Variants in DLGAP2 observed in about 807,000 individuals in gnomAD.
DLGAP2 encodes disks large-associated protein 2.
DLGAP2 carries 26 observed loss-of-function variants against 100.3 expected under a neutral mutation model. The ratio of observed to expected loss-of-function variants is 0.26; its 90% CI spans 0.19 to 0.36. The LOEUF is 0.36. DLGAP2 is among the 10% of genes least tolerant of loss of function. The pLI is 1.00. For missense variants in DLGAP2, 1,858 were observed against 1,453.2 expected (o/e 1.28, Z -4.53); for synonymous variants, 886 against 630.1 (o/e 1.41, Z -6.08).
intron 2 of DLGAP2, among the ~76,000 whole-genome samples, chr8:1,196,826 A>G (rs1797762100): frequency 1.3e-5 from 2 of 152,120 alleles, no homozygotes; most frequent in Non-Finnish European, 2.9e-5. Context: ...CTCATCACAC[A>G]TACACCAGGG....
intron 4 of DLGAP2, among the ~76,000 whole-genome samples, chr8:1,529,194 C>T (rs925630879): frequency 1.3e-5 from 2 of 152,198 alleles, no homozygotes; most frequent in Non-Finnish European, 2.9e-5. Context: ...ACCTACTTCA[C>T]AAGGTAGCAG....
At chr8:1,617,737 T>C (rs1318535644) in intron 6 of DLGAP2, among the ~76,000 whole-genome samples, 1 of 152,220 alleles carries the variant, frequency 6.6e-6, no homozygotes, top group Non-Finnish European at 1.5e-5. Context: ...TTATCTACCA[T>C]AATGGACAGC....
intron 3 of DLGAP2, among the ~76,000 whole-genome samples, chr8:1,311,586 G>A (rs1800615450): frequency 6.6e-6 from 1 of 152,106 alleles, no homozygotes; most frequent in Admixed American, 6.5e-5. Flanking sequence ...TTGTCATCAG[G>A]TGGGATTTAT....
intron 1 of DLGAP2, among the ~76,000 whole-genome samples, chr8:787,404 C>G (rs969306897): frequency 6.6e-6 from 1 of 152,174 alleles, no homozygotes; most frequent in Non-Finnish European, 1.5e-5. Context: ...GAAGGGTGGC[C>G]TCTAAAAAAT....
chr8:808,905 CT>C (rs539422380), intron 1 of DLGAP2, among the ~76,000 whole-genome samples: 35,545 of 130,054 alleles, frequency 0.27, 4,448 homozygotes, highest in Admixed American at 0.42. Flanking sequence ...CTGTTGCTGC[CT>C]TTTTTTTTTT....
At chr8:1,156,289 A>G (rs1796785618) in intron 2 of DLGAP2, among the ~76,000 whole-genome samples, 2 of 152,094 alleles carry the variant, frequency 1.3e-5, no homozygotes, top group South Asian at 4.1e-4. Context: ...TGCTTACCCA[A>G]GGAGAGCCAA....
rs543700651 is a variant in DLGAP2, at chr8:800,422, C to T, written c.18+62597C>T. ...ATGAGTTTAGACGGTTGTACACAACCATGTAACCAACACCAGGGGCCCAGC... is the reference window on the plus strand; with the variant it reads ...ATGAGTTTAGACGGTTGTACACAACTATGTAACCAACACCAGGGGCCCAGC... On this transcript the variant is annotated intron_variant, in intron 1 of 14. Coordinates refer to ENST00000637795, the MANE Select transcript of DLGAP2 (RefSeq NM_001346810.2). Among the ~76,000 whole-genome samples the T allele has an allele frequency of 2.8e-4, 43 of 152,314 alleles. 1 individual carries two copies. The South Asian group carries it at 3.7e-3, about 13-fold the overall frequency.
At chr8:870,041 C>A (rs981061867) in intron 1 of DLGAP2, among the ~76,000 whole-genome samples, 10 of 151,896 alleles carry the variant, frequency 6.6e-5, no homozygotes, top group African/African-American at 2.4e-4. Flanking sequence ...GACTTAAAGT[C>A]AAATTCTGGG....
intron 2 of DLGAP2, among the ~76,000 whole-genome samples, chr8:932,672 C>G (rs1215284646): frequency 1.3e-5 from 2 of 151,936 alleles, no homozygotes; most frequent in Admixed American, 1.3e-4. Context: ...TCATGTGGCT[C>G]TGAAAAAAAT....
intron 3 of DLGAP2, among the ~76,000 whole-genome samples, chr8:1,480,511 C>G (rs1321720885): frequency 6.6e-6 from 1 of 152,176 alleles, no homozygotes; most frequent in Non-Finnish European, 1.5e-5. Flanking sequence ...CTGGCCTAGT[C>G]CATCACTCAT....
chr8:1,257,915 G>A (rs1251032766), intron 2 of DLGAP2, among the ~76,000 whole-genome samples: 1 of 152,244 alleles, frequency 6.6e-6, no homozygotes, highest in Non-Finnish European at 1.5e-5. Context: ...TCTCAGGAAA[G>A]TGGATGGAAG....
At chr8:870,592 C>G (rs1424644791) in intron 1 of DLGAP2, among the ~76,000 whole-genome samples, 1 of 152,182 alleles carries the variant, frequency 6.6e-6, no homozygotes, top group African/African-American at 2.4e-5. Context: ...GGTTCCTGGA[C>G]TCCTCAGGCA....
chr8:1,071,530 T>C (rs1803431244), intron 2 of DLGAP2, among the ~76,000 whole-genome samples: 1 of 152,182 alleles, frequency 6.6e-6, no homozygotes, highest in Non-Finnish European at 1.5e-5. Flanking sequence ...ATTTCCCTTC[T>C]TATGATGTGC....
chr8:1,194,849 CG>C (rs1563245426), intron 2 of DLGAP2, among the ~76,000 whole-genome samples: 5 of 152,186 alleles, frequency 3.3e-5, no homozygotes, highest in Non-Finnish European at 7.4e-5. Flanking sequence ...CAGGGTTCTT[CG>C]CTCAGTCTCA....
intron 2 of DLGAP2, among the ~76,000 whole-genome samples, chr8:1,117,818 A>G (rs1795930726): frequency 6.6e-6 from 1 of 151,904 alleles, no homozygotes; most frequent in Non-Finnish European, 1.5e-5. Flanking sequence ...TTGGGCTCAG[A>G]GCCTCCCCCT....
chr8:993,705 G>A (rs1342316900), intron 2 of DLGAP2, among the ~76,000 whole-genome samples: 1 of 151,200 alleles, frequency 6.6e-6, no homozygotes, highest in East Asian at 1.9e-4. Flanking sequence ...GCCTCTCAGG[G>A]ATATTTATAT....
At chr8:1,208,550 T>A (rs1798042209) in intron 2 of DLGAP2, among the ~76,000 whole-genome samples, 1 of 152,162 alleles carries the variant, frequency 6.6e-6, no homozygotes, top group African/African-American at 2.4e-5. Context: ...TGAAAGCATT[T>A]TTCCTGAGAA....
chr8:1,013,275 G>A lies in DLGAP2; in HGVS notation c.73+105309G>A, dbSNP rs193262465. 5.5e-4 allele frequency among the ~76,000 whole-genome samples: 83 copies of A among 152,258 alleles called. 1 individual carries two copies. The highest frequency in any genetic ancestry group is 6.8e-3 in the Middle Eastern group (2 of 292). ...CATTTGTGAACTAAGTGCCCACCAT[G>A]TACTGCCCTGTGCAGGATACAGTAG... On this transcript the variant is annotated intron_variant, in intron 2 of 14. Coordinates refer to ENST00000637795, the MANE Select transcript of DLGAP2 (RefSeq NM_001346810.2).
intron 2 of DLGAP2, among the ~76,000 whole-genome samples, chr8:994,825 G>A (rs189156258): frequency 2.0e-5 from 3 of 152,256 alleles, no homozygotes; most frequent in South Asian, 2.1e-4. Flanking sequence ...CACAGCAGAC[G>A]AAGAGTCATT....
Sources: gnomAD v4.1 joint callset for allele counts (sites outside exome capture counted in the v4.1 genomes callset) on GRCh38, gnomAD v4.1.1 for gene constraint, MANE v1.5 for transcripts, NCBI Gene and HGNC (gene_info 2026-07-23, HGNC 2026-07-21) for gene names.